VKORC1: variants seen among roughly 807,000 people sequenced by gnomAD.
VKORC1 encodes the protein vitamin K epoxide reductase complex subunit 1.
Under a neutral mutation model 14.8 loss-of-function variants are expected in VKORC1, and 12 were observed. That is an observed-to-expected ratio of 0.81 (90% CI 0.52 to 1.31). The LOEUF is 1.31. VKORC1 is among the 50% of genes most tolerant of loss of function. VKORC1 has a pLI of 0.00. For missense variants in VKORC1, 223 were observed against 215.3 expected, an observed-to-expected ratio of 1.04 and a Z score of -0.22; for synonymous variants, 94 against 92.5, an observed-to-expected ratio of 1.02 and a Z score of -0.09.
At chr16:31,092,859 C>T in intron 2 of VKORC1, 1 of 976,698 alleles carries the variant, frequency 1.0e-6, no homozygotes, top group Non-Finnish European at 1.4e-6. Context: ...CATGGCGAGA[C>T]ACCATCTCTA....
In VKORC1 at chr16:31,091,116, C is replaced by T. The variant is rs370671043; in HGVS notation, c.*18G>A. ...CCAAAGCAAAGCAGATGAGGTCAGC[C>T]TGGCTTGGGTTGAGGGCTCAGTGCC... On this transcript the variant is annotated 3_prime_UTR_variant, in exon 3 of 3. Transcript: ENST00000394975. 1.9e-6 allele frequency: 3 copies of T among 1,612,720 alleles called. No individual in the cohort carries two copies. The African/African-American group carries it at 4.0e-5, about 21-fold the overall frequency.
intron 2 of VKORC1, 97 bp from the exon 3 acceptor site, chr16:31,091,439 TG>T: frequency 7.8e-6 from 12 of 1,542,394 alleles, no homozygotes; most frequent in Non-Finnish European, 1.0e-5. Context: ...CAGGAGCTGC[TG>T]GGAAGGGTCT....
At chr16:31,093,197 CAGCT>C (rs2057301377) in intron 2 of VKORC1, 111 bp downstream of exon 2, 16 of 1,109,524 alleles carry the variant, frequency 1.4e-5, no homozygotes, top group Non-Finnish European at 2.0e-5. Flanking sequence ...CCGTGATGAG[CAGCT>C]AGCTGGCTGT....
rs1008191003 is a variant in VKORC1 at position 31,094,715 on chromosome 16, C to A, written c.15G>T (p.Trp5Cys). ...CGAGCCGCACCCAGCCAGGGCTCCC[C>A]CAGGTGCTGCCCATTATCTCCAGGT... MGST[W>C]GSPGWVRLAL... The change falls in exon 1 of 3, where the codon TGG (tryptophan) becomes TGT (cysteine). Residue 5 changes from tryptophan (W) to cysteine (C), a missense_variant. Trp to Cys is a radical substitution (Grantham distance 215). Coordinates refer to ENST00000394975, the MANE Select transcript of VKORC1 (RefSeq NM_024006.6). 2 of 1,606,262 alleles carry A rather than the reference C, an allele frequency of 1.2e-6. No individual in the cohort carries two copies. Among genetic ancestry groups the A allele is most frequent in the Non-Finnish European group, 8.5e-7 (1 of 1,178,186 alleles).
intron 1 of VKORC1, chr16:31,094,171 T>G: frequency 3.8e-6 from 6 of 1,567,036 alleles, no homozygotes; most frequent in Non-Finnish European, 5.2e-6. Flanking sequence ...CGCCTGGCCA[T>G]CACGCACAGC....
At position 31,092,176 on chromosome 16, in the gene VKORC1, CAAAAAAAAA is replaced by C. The variant is rs35224256; in HGVS notation, c.284-843_284-835del. On this transcript the variant is annotated intron_variant, in intron 2 of 2. Coordinates refer to ENST00000394975, the MANE Select transcript of VKORC1 (RefSeq NM_024006.6). Reference sequence around the variant, plus strand: ...CTGGTGACAGAGCGAGACTATGTCGCAAAAAAAAAAAAAAAAAAAAAAAAAAAATTAGCT... The same window carrying C: ...CTGGTGACAGAGCGAGACTATGTCGCAAAAAAAAAAAAAAAAAAATTAGCT... Among the ~76,000 whole-genome samples the C allele has an allele frequency of 2.2e-4, 8 of 37,186 alleles. 1 individual carries two copies. In the Admixed American group the frequency reaches 2.4e-3, roughly 11 times the overall value. 24.4% of individuals were successfully genotyped at this position (37,186 alleles called of 152,430 possible). A position where few individuals can be genotyped will look rare whatever the true frequency, so the allele number is the denominator to read the frequency against.
Position 31,091,575 on chromosome 16 carries a change from AC to A in VKORC1, c.284-234del, listed in dbSNP as rs1204955446. ...AGACCAGCTTGGGCAACATAGAAAG[AC>A]CCGATCTCTATCAAAAATTTAGAAA... On this transcript the variant is annotated intron_variant, in intron 2 of 2. Coordinates refer to ENST00000394975, the MANE Select transcript of VKORC1 (RefSeq NM_024006.6). 6.6e-5 allele frequency among the ~76,000 whole-genome samples: 10 copies of A among 152,256 alleles called. No homozygotes were observed. In the East Asian group the frequency reaches 1.9e-3, roughly 29 times the overall value.
intron 2 of VKORC1, among the ~76,000 whole-genome samples, chr16:31,092,038 C>T (rs561965195): frequency 2.6e-5 from 4 of 151,674 alleles, no homozygotes; most frequent in Non-Finnish European, 4.4e-5. Flanking sequence ...ATTAGCTGGG[C>T]GTGGTGACAC....
chr16:31,091,624 T>G (rs1408790099), intron 2 of VKORC1, among the ~76,000 whole-genome samples: 1 of 152,214 alleles, frequency 6.6e-6, no homozygotes, highest in Non-Finnish European at 1.5e-5. Flanking sequence ...CGGTGGCTCA[T>G]GCCTGTAATC....
chr16:31,091,327 C>A lies in VKORC1; in HGVS notation c.299G>T (p.Arg100Leu). The change falls in exon 3 of 3, where the codon CGC (arginine) becomes CTC (leucine). Residue 100 changes from arginine to leucine, a missense_variant. By Grantham distance (102) the Arg-to-Leu change is moderately radical. Coordinates refer to ENST00000394975, the MANE Select transcript of VKORC1 (RefSeq NM_024006.6). ...CAGCAGCATCAGGACAGAGGCCCAG[C>A]GTGTCCGCAGGCAACCTGCAAGGCA... ...LQLLLGCLRT[R>L]WASVLMLLSS... The A allele has an allele frequency of 1.2e-6, 2 of 1,613,808 alleles. No individual in the cohort carries two copies. Among genetic ancestry groups the A allele is most frequent in the South Asian group, 2.2e-5 (2 of 91,020 alleles).
intron 1 of VKORC1, 22 bp from the exon 2 acceptor site, chr16:31,093,443 G>A (rs755827554): frequency 6.8e-6 from 11 of 1,614,134 alleles, no homozygotes; most frequent in Non-Finnish European, 8.5e-6. Flanking sequence ...GTGGGGTGGG[G>A]TGGAACCAGG....
intron 2 of VKORC1, chr16:31,092,791 TC>T: frequency 2.3e-6 from 3 of 1,277,976 alleles, no homozygotes; most frequent in South Asian, 1.3e-5. Context: ...ACGCCTGTAA[TC>T]CCCCCAGCAC....
rs2057284449 is a variant in VKORC1, at chr16:31,090,988, C to A, written c.*146G>T. 7.4e-7 allele frequency: 1 copy of A among 1,350,516 alleles called. No individual in the cohort carries two copies. The highest frequency in any genetic ancestry group is 1.3e-5 in the South Asian group (1 of 75,860). The allele number at this position is 1,350,516 out of a possible 1,614,324, so 83.7% of individuals were successfully genotyped here. A position where few individuals can be genotyped will look rare whatever the true frequency, so the allele number is the denominator to read the frequency against. The stretch of plus-strand genomic sequence containing the variant: ...GAGCGAGCGTGTGGCACATTTGGTC[C>A]ATTGTCATGTGCGGGTATGGCAGGA... On this transcript the variant is annotated 3_prime_UTR_variant, in exon 3 of 3. Coordinates refer to ENST00000394975, the MANE Select transcript of VKORC1 (RefSeq NM_024006.6).
chr16:31,093,184 G>T (rs2057301165), intron 2 of VKORC1, 128 bp downstream of exon 2: 2 of 983,696 alleles, frequency 2.0e-6, no homozygotes, highest in South Asian at 1.5e-5. Flanking sequence ...CCCGCAGGAC[G>T]CTCCGTGATG....
Position 31,093,298 on chromosome 16 carries a change from G to A in VKORC1, c.283+14C>T, listed in dbSNP as rs1037114250. 1.2e-6 allele frequency: 2 copies of A among 1,610,716 alleles called. No individual in the cohort carries two copies. Among genetic ancestry groups the A allele is most frequent in the African/African-American group, 2.7e-5 (2 of 74,908 alleles). On this transcript the variant is annotated intron_variant, in intron 2 of 2. Transcript: ENST00000394975. ...GCGGGGCGGGGCGGGCAGGGAGGGG[G>A]CGGAGCCACTCACCTAACAATAGCT... is the stretch of plus-strand genomic sequence containing the variant.
chr16:31,093,962 C>T, intron 1 of VKORC1: 1 of 485,532 alleles, frequency 2.1e-6, no homozygotes. Flanking sequence ...CCTCGGCCTC[C>T]CAAAGTGCTG....
intron 1 of VKORC1, 196 bp downstream of exon 1, chr16:31,094,361 A>C: frequency 1.2e-6 from 2 of 1,612,804 alleles, no homozygotes; most frequent in Non-Finnish European, 1.7e-6. Flanking sequence ...AGTCCCCAGC[A>C]CTGTCTGGTC....
At chr16:31,093,218 T>G in intron 2 of VKORC1, 94 bp downstream of exon 2, 1 of 1,316,250 alleles carries the variant, frequency 7.6e-7, no homozygotes, top group Admixed American at 2.1e-5. Flanking sequence ...CTGTCAGCTG[T>G]GTGGATCACC....
chr16:31,091,972 G>A (rs571111115), intron 2 of VKORC1, among the ~76,000 whole-genome samples: 29 of 152,152 alleles, frequency 1.9e-4, no homozygotes, highest in African/African-American at 6.7e-4. Context: ...CAGGTCAAGA[G>A]ATTGAGACCA....
Sources: gnomAD v4.1 joint callset for allele counts (sites outside exome capture counted in the v4.1 genomes callset) on GRCh38, gnomAD v4.1.1 for gene constraint, MANE v1.5 for transcripts, NCBI Gene and HGNC (gene_info 2026-07-23, HGNC 2026-07-21) for gene names.